The following ANKS1B variants were observed in gnomAD, a reference collection of about 807,000 sequenced individuals.
ANKS1B encodes the protein ankyrin repeat and sterile alpha motif domain containing 1B, also known as ankyrin repeat and sterile alpha motif domain-containing protein 1B.
A neutral mutation model predicts 148.3 loss-of-function variants in ANKS1B; 36 were observed. That is an observed-to-expected ratio of 0.24 (90% CI 0.19 to 0.32). The LOEUF (loss-of-function observed/expected upper bound fraction) is 0.32, where lower values mean the gene tolerates loss of function less well. Ranked by LOEUF, ANKS1B falls within the 10% of genes least tolerant of loss-of-function variation. The pLI is 1.00. For synonymous variants in ANKS1B, 542 were observed against 560.8 expected, an observed-to-expected ratio of 0.97 and a Z score of 0.47; for missense variants, 1,157 against 1,542.6, an observed-to-expected ratio of 0.75 and a Z score of 4.19.
At chr12:98,761,204 G>GA (rs1391017736) in intron 25 of ANKS1B, among the ~76,000 whole-genome samples, 1 of 152,200 alleles carries the variant, frequency 6.6e-6, no homozygotes, top group Non-Finnish European at 1.5e-5. Context: ...TTGCTCTCAT[G>GA]AATGTGCTGG....
At chr12:99,335,085 T>G (rs930451522) in intron 12 of ANKS1B, among the ~76,000 whole-genome samples, 1 of 152,150 alleles carries the variant, frequency 6.6e-6, no homozygotes, top group Non-Finnish European at 1.5e-5. Flanking sequence ...ATGTTATATT[T>G]ATTTAACAAA....
rs2076754611 is a variant in ANKS1B, at chr12:99,269,100, TA to T, written c.1757-22237del. 2.6e-5 allele frequency among the ~76,000 whole-genome samples: 4 copies of T among 152,306 alleles called. 1 individual carries two copies. The highest frequency in any genetic ancestry group is 9.6e-5 in the African/African-American group (4 of 41,566). On this transcript the variant is annotated intron_variant, in intron 12 of 26. Transcript: ENST00000683438. ...TTGAAAACAAAATCCGGATATTTTTTATAAAAATACATTCTCTAATTCTTAT... is the reference window on the plus strand; with the variant it reads ...TTGAAAACAAAATCCGGATATTTTTTTAAAAATACATTCTCTAATTCTTAT...
chr12:99,215,722 A>G (rs1045807073), intron 14 of ANKS1B, among the ~76,000 whole-genome samples: 3 of 152,216 alleles, frequency 2.0e-5, no homozygotes, highest in African/African-American at 7.2e-5. Context: ...GAACAGGTGT[A>G]TTTACCCAAT....
At chr12:99,599,229 C>A (rs2097781418) in intron 9 of ANKS1B, among the ~76,000 whole-genome samples, 1 of 151,950 alleles carries the variant, frequency 6.6e-6, no homozygotes, top group Non-Finnish European at 1.5e-5. Context: ...AGAATTACAT[C>A]TGATTTCTTT....
intron 17 of ANKS1B, among the ~76,000 whole-genome samples, chr12:98,871,719 T>A (rs1230201280): frequency 6.6e-6 from 1 of 152,184 alleles, no homozygotes; most frequent in Non-Finnish European, 1.5e-5. Flanking sequence ...AAAACCATAT[T>A]CTTTATCTAC....
At chr12:99,886,707 G>T (rs2092839177) in intron 1 of ANKS1B, among the ~76,000 whole-genome samples, 1 of 152,134 alleles carries the variant, frequency 6.6e-6, no homozygotes, top group South Asian at 2.1e-4. Flanking sequence ...ACAAAAATAA[G>T]ATGTGACAGA....
rs564195573 is a variant in ANKS1B, at chr12:99,696,127, AT to A, written c.1129-40918del. 1.1e-3 allele frequency among the ~76,000 whole-genome samples: 168 copies of A among 152,132 alleles called. 1 individual carries two copies. Among genetic ancestry groups the A allele is most frequent in the Admixed American group, 2.4e-3 (36 of 15,268 alleles). On this transcript the variant is annotated intron_variant, in intron 8 of 26. Coordinates refer to ENST00000683438, the MANE Select transcript of ANKS1B (RefSeq NM_001352186.2). ...AATAAAAAATAAATTAAAAAGAGAA[AT>A]TTTTTTTAAGTAGATTCATAAATTT... is the stretch of plus-strand genomic sequence containing the variant.
intron 15 of ANKS1B, among the ~76,000 whole-genome samples, chr12:99,115,711 A>C (rs183101069): frequency 3.9e-5 from 6 of 152,206 alleles, no homozygotes; most frequent in African/African-American, 1.4e-4. Flanking sequence ...TGGGTGGATC[A>C]CTTGAGGTGA....
intron 1 of ANKS1B, among the ~76,000 whole-genome samples, chr12:99,925,723 A>G (rs929709905): frequency 1.3e-5 from 2 of 152,242 alleles, no homozygotes; most frequent in African/African-American, 4.8e-5. Context: ...GTGATTCCAA[A>G]CAAACTAGTT....
intron 17 of ANKS1B, among the ~76,000 whole-genome samples, chr12:98,959,845 G>GTAC (rs1278106977): frequency 1.3e-5 from 2 of 152,188 alleles, no homozygotes; most frequent in Non-Finnish European, 2.9e-5. Flanking sequence ...TACCCAGGAA[G>GTAC]TACTCACCAT....
chr12:99,037,332 T>G (rs1036874363), intron 17 of ANKS1B, among the ~76,000 whole-genome samples: 5 of 151,972 alleles, frequency 3.3e-5, no homozygotes, highest in South Asian at 4.2e-4. Flanking sequence ...CTGGCCAAAA[T>G]AGTGAAACCC....
intron 17 of ANKS1B, among the ~76,000 whole-genome samples, chr12:98,930,314 ACT>A (rs2099812577): frequency 6.6e-6 from 1 of 152,144 alleles, no homozygotes; most frequent in African/African-American, 2.4e-5. Context: ...AGAAATTGTA[ACT>A]CTCATATGTT....
intron 17 of ANKS1B, among the ~76,000 whole-genome samples, chr12:98,908,234 T>G (rs918878656): frequency 2.6e-5 from 4 of 152,196 alleles, no homozygotes; most frequent in African/African-American, 9.7e-5. Flanking sequence ...AGTTTCATTT[T>G]ATACCAGGCC....
At chr12:99,137,491 C>T (rs1409181808) in intron 15 of ANKS1B, among the ~76,000 whole-genome samples, 1 of 152,124 alleles carries the variant, frequency 6.6e-6, no homozygotes, top group Non-Finnish European at 1.5e-5. Flanking sequence ...GGAAGGAAAG[C>T]AGAGATTCAC....
In ANKS1B at chr12:99,459,351, G is replaced by C. The variant is rs140144855; in HGVS notation, c.1439-15542C>G. On this transcript the variant is annotated intron_variant, in intron 10 of 26. Transcript: ENST00000683438. ...GCATTCCCCCTGAGAACTGGAACAA[G>C]ACAAGGATGCCCACTTTCACCACTT... Among the ~76,000 whole-genome samples, 124 of 152,124 alleles carry C rather than the reference G, an allele frequency of 8.2e-4. 3 individuals are homozygous for C. In the East Asian group the frequency reaches 0.023, roughly 28 times the overall value.
chr12:98,965,729 T>C (rs1309197567), intron 17 of ANKS1B, among the ~76,000 whole-genome samples: 1 of 152,142 alleles, frequency 6.6e-6, no homozygotes, highest in Non-Finnish European at 1.5e-5. Context: ...AACAGAGCCC[T>C]CAGAAATAAT....
At chr12:99,564,586 A>G (rs1340824373) in intron 9 of ANKS1B, among the ~76,000 whole-genome samples, 1 of 152,080 alleles carries the variant, frequency 6.6e-6, no homozygotes, top group Admixed American at 6.6e-5. Context: ...GATACACATT[A>G]CTTCAATCTA....
At chr12:99,655,574 C>T (rs1243478551) in intron 8 of ANKS1B, among the ~76,000 whole-genome samples, 1 of 152,138 alleles carries the variant, frequency 6.6e-6, no homozygotes, top group Non-Finnish European at 1.5e-5. Flanking sequence ...AGGGCACTAA[C>T]AGGAAAATAT....
At position 98,828,643 on chromosome 12, in the gene ANKS1B, C is replaced by T. The variant is rs368059519; in HGVS notation, c.3066+531G>A. ...TACTAAAAACATGGAAAGGTCTGAA[C>T]GTGACAGATCTCCCTTTTCAATTAC... On this transcript the variant is annotated intron_variant, in intron 19 of 26. Transcript: ENST00000683438. Among the ~76,000 whole-genome samples, 53 of 152,320 alleles carry T rather than the reference C, an allele frequency of 3.5e-4. 2 individuals carry two copies. In the South Asian group the frequency reaches 0.011, roughly 31 times the overall value.
Sources: gnomAD v4.1 joint callset for allele counts (sites outside exome capture counted in the v4.1 genomes callset) on GRCh38, gnomAD v4.1.1 for gene constraint, MANE v1.5 for transcripts, NCBI Gene and HGNC (gene_info 2026-07-23, HGNC 2026-07-21) for gene names.